Variants in SLURP2 observed in about 807,000 individuals in gnomAD.
The protein encoded by SLURP2 is secreted Ly-6/uPAR domain-containing protein 2.
SLURP2 carries 4 observed loss-of-function variants against 9.8 expected under a neutral mutation model. The observed-to-expected ratio is 0.41, with a 90% confidence interval of 0.20 to 0.94. SLURP2 has a LOEUF of 0.94. Ranked by LOEUF, SLURP2 falls within the 40% of genes least tolerant of loss-of-function variation. The pLI, the probability that SLURP2 is intolerant of heterozygous loss-of-function variation, is 0.32. For missense variants in SLURP2, 118 were observed against 126.4 expected, an observed-to-expected ratio of 0.93 and a Z score of 0.32; for synonymous variants, 58 against 56.2, an observed-to-expected ratio of 1.03 and a Z score of -0.15.
chr8:142,769,715 G>A (rs1297613704), intron 1 of SLURP2, 40 bp downstream of exon 1: 2 of 1,575,338 alleles, frequency 1.3e-6, no homozygotes, highest in African/African-American at 1.3e-5. Context: ...TAGAGTGATG[G>A]GGGCCTTGAG....
chr8:142,767,016 A>G (rs2130072834), intron 1 of SLURP2, among the ~76,000 whole-genome samples: 1 of 152,332 alleles, frequency 6.6e-6, no homozygotes, highest in African/African-American at 2.4e-5. Flanking sequence ...GAAGGGCTGG[A>G]GTCAGCCCCA....
At chr8:142,765,448 G>T (rs1018567158) in intron 1 of SLURP2, among the ~76,000 whole-genome samples, 4 of 148,006 alleles carry the variant, frequency 2.7e-5, no homozygotes, top group Non-Finnish European at 4.5e-5. Context: ...CAGCAGCCTG[G>T]GCTATTTGGG....
chr8:142,764,866 G>T, intron 2 of SLURP2, 125 bp from the exon 3 acceptor site: 2 of 1,284,360 alleles, frequency 1.6e-6, no homozygotes, highest in Non-Finnish European at 1.1e-6. Context: ...GGGCCCTCCT[G>T]GGGCAGACGT....
At chr8:142,765,190 G>T in intron 1 of SLURP2, 50 bp from the exon 2 acceptor site, 1 of 1,461,564 alleles carries the variant, frequency 6.8e-7, no homozygotes, top group Non-Finnish European at 9.4e-7. Flanking sequence ...GGCAGGTGTG[G>T]GCCACCTTCT....
rs1187497152 is a variant in SLURP2, at chr8:142,768,218, G to C, written c.52+1537C>G. Among the ~76,000 whole-genome samples, 3 of 143,070 alleles carry C rather than the reference G, an allele frequency of 2.1e-5. No individual in the cohort carries two copies. The East Asian group carries it at 6.5e-4, about 31-fold the overall frequency. 93.9% of individuals were successfully genotyped at this position (143,070 alleles called of 152,430 possible). Reference sequence around the variant, plus strand: ...AGGAGGGAGGAGGAATAGAGAGGAGGAGGGAGGTGGGGTGGGGGGGAGGGG... The same window carrying C: ...AGGAGGGAGGAGGAATAGAGAGGAGCAGGGAGGTGGGGTGGGGGGGAGGGG... On this transcript the variant is annotated intron_variant, in intron 1 of 2. Transcript: ENST00000317543. The surrounding 1 kb of genome is among the most constrained non-coding windows in gnomAD (Gnocchi z 4.8).
Position 142,768,151 on chromosome 8 carries a change from G to T in SLURP2, c.52+1604C>A, listed in dbSNP as rs914844943. The stretch of plus-strand genomic sequence containing the variant: ...GGAGGGGAGATCAGGGGGAGAAGAG[G>T]AGAGAGGAAGGGAGGGAGGAGGAGA... On this transcript the variant is annotated intron_variant, in intron 1 of 2. Coordinates refer to ENST00000317543, the MANE Select transcript of SLURP2 (RefSeq NM_177458.3). This position sits in a 1 kb window ranked among gnomAD's most constrained non-coding sequence, Gnocchi z 4.8. 6.7e-6 allele frequency among the ~76,000 whole-genome samples: 1 copy of T among 148,424 alleles called. No individual in the cohort carries two copies. Among genetic ancestry groups the T allele is most frequent in the Non-Finnish European group, 1.5e-5 (1 of 67,190 alleles).
intron 1 of SLURP2, among the ~76,000 whole-genome samples, chr8:142,769,056 C>T (rs755878379): frequency 9.8e-4 from 149 of 152,006 alleles, no homozygotes; most frequent in Non-Finnish European, 1.6e-3. Flanking sequence ...GATGCCCTGC[C>T]AAGAGAAGAC....
At chr8:142,765,167 C>G (rs369611171) in intron 1 of SLURP2, 27 bp from the exon 2 acceptor site, 6 of 1,582,994 alleles carry the variant, frequency 3.8e-6, no homozygotes, top group East Asian at 2.3e-5. Flanking sequence ...AGACAGGACA[C>G]AAACGGATGG....
At chr8:142,765,282 C>CTGAGAGGGCTGGA in intron 1 of SLURP2, 142 bp from the exon 2 acceptor site, 1 of 654,564 alleles carries the variant, frequency 1.5e-6, no homozygotes, top group African/African-American at 1.8e-5. Flanking sequence ...TGATCCAGCC[C>CTGAGAGGGCTGGA]TCTCAGGAGC....
chr8:142,765,252 C>A (rs952465730), intron 1 of SLURP2, 112 bp from the exon 2 acceptor site: 3 of 811,618 alleles, frequency 3.7e-6, no homozygotes, highest in African/African-American at 3.4e-5. Context: ...TCCTTCTCAG[C>A]GGCCAGTGTC....
At chr8:142,765,573 T>A (rs989364073) in intron 1 of SLURP2, among the ~76,000 whole-genome samples, 8 of 152,156 alleles carry the variant, frequency 5.3e-5, no homozygotes, top group Admixed American at 2.0e-4. Context: ...GGGACTGGAT[T>A]CTGGTGGCTG....
intron 1 of SLURP2, among the ~76,000 whole-genome samples, 189 bp from the exon 2 acceptor site, chr8:142,765,329 C>G (rs771384147): frequency 1.3e-5 from 2 of 152,208 alleles, no homozygotes; most frequent in Admixed American, 6.5e-5. Flanking sequence ...GCCTGGCAGC[C>G]CTGCAGCTGG....
chr8:142,769,726 C>A, intron 1 of SLURP2, 29 bp downstream of exon 1: 1 of 1,591,742 alleles, frequency 6.3e-7, no homozygotes, highest in Non-Finnish European at 8.5e-7. Flanking sequence ...GGGCCTTGAG[C>A]AGGAGGTGGC....
At position 142,764,369 on chromosome 8, in the gene SLURP2, T is replaced by C. The variant is rs1814923414; in HGVS notation, c.*236A>G. 1.5e-6 allele frequency: 1 copy of C among 645,976 alleles called. No homozygotes were observed. The highest frequency in any genetic ancestry group is 1.7e-5 in the South Asian group (1 of 59,872). 40.0% of individuals were successfully genotyped at this position (645,976 alleles called of 1,614,324 possible). ...CACACGATCCAATCACATTTTATTG[T>C]GGGGAGGTCGGGACCTGAAGGGGCG... On this transcript the variant is annotated 3_prime_UTR_variant, in exon 3 of 3. Transcript: ENST00000317543.
intron 1 of SLURP2, among the ~76,000 whole-genome samples, chr8:142,766,587 C>T (rs28738789): frequency 0.079 from 11,959 of 152,244 alleles, 752 homozygotes; most frequent in Admixed American, 0.21. Context: ...GCCCCACTCC[C>T]GAGGCCTGCT....
chr8:142,764,998 A>G, intron 2 of SLURP2, 38 bp downstream of exon 2: 1 of 1,540,598 alleles, frequency 6.5e-7, no homozygotes, highest in Non-Finnish European at 8.9e-7. Flanking sequence ...CCACCTGGGC[A>G]AGAAGGACGT....
Position 142,764,449 on chromosome 8 carries a change from G to A in SLURP2, c.*156C>T, listed in dbSNP as rs770651887. ...GCAGCAGATTGAGGCAAGACTCCAC[G>A]CAGGACTTCCCTAGGACAAGCGGTG... On this transcript the variant is annotated 3_prime_UTR_variant, in exon 3 of 3. Coordinates refer to ENST00000317543, the MANE Select transcript of SLURP2 (RefSeq NM_177458.3). 2.9e-5 allele frequency: 24 copies of A among 827,234 alleles called. No individual in the cohort carries two copies. The highest frequency in any genetic ancestry group is 4.4e-5 in the Non-Finnish European group (22 of 501,484). 51.2% of individuals were successfully genotyped at this position (827,234 alleles called of 1,614,324 possible). A position where few individuals can be genotyped will look rare whatever the true frequency, so the allele number is the denominator to read the frequency against.
At chr8:142,766,668 C>T (rs998166233) in intron 1 of SLURP2, among the ~76,000 whole-genome samples, 8 of 152,214 alleles carry the variant, frequency 5.3e-5, no homozygotes, top group African/African-American at 1.9e-4. Context: ...ACTCTGTCCT[C>T]TCCTCCCTGG....
intron 1 of SLURP2, among the ~76,000 whole-genome samples, chr8:142,765,578 T>G (rs1355169746): frequency 6.6e-6 from 1 of 152,080 alleles, no homozygotes; most frequent in Non-Finnish European, 1.5e-5. Context: ...TGGATTCTGG[T>G]GGCTGCGATG....
Sources: allele counts gnomAD v4.1 joint callset (sites outside exome capture counted in the v4.1 genomes callset), GRCh38; gene constraint gnomAD v4.1.1; non-coding constraint Gnocchi (gnomAD v3.1); transcripts MANE v1.5; gene names NCBI Gene and HGNC (gene_info 2026-07-23, HGNC 2026-07-21).